Variants in SPATA13 observed in about 807,000 individuals in gnomAD.
SPATA13 encodes the protein spermatogenesis-associated protein 13.
In SPATA13, 50 loss-of-function variants were observed where a neutral mutation model predicts 104.0. That is an observed-to-expected ratio of 0.48 (90% confidence interval 0.38 to 0.61). The LOEUF is 0.61. Ranked by LOEUF, SPATA13 falls within the 20% of genes least tolerant of loss-of-function variation. The pLI, the probability that SPATA13 is intolerant of heterozygous loss-of-function variation, is 0.00. For missense variants in SPATA13, 1,524 were observed against 1,690.6 expected (o/e 0.90, Z 1.73); for synonymous variants, 606 against 667.5 (o/e 0.91, Z 1.42).
chr13:24,267,584 T>C (rs191403186), intron 4 of SPATA13, among the ~76,000 whole-genome samples: 7 of 152,340 alleles, frequency 4.6e-5, no homozygotes, highest in African/African-American at 1.7e-4. Flanking sequence ...CCAAGAGAGC[T>C]TTTGCTTTTT....
intron 3 of SPATA13, among the ~76,000 whole-genome samples, chr13:24,075,899 A>G (rs576542827): frequency 6.6e-6 from 1 of 152,306 alleles, no homozygotes; most frequent in Non-Finnish European, 1.5e-5. Context: ...AGAGATTTCT[A>G]TAGAAGAAAT....
At chr13:24,083,719 T>C (rs1331676953) in intron 3 of SPATA13, among the ~76,000 whole-genome samples, 2 of 152,220 alleles carry the variant, frequency 1.3e-5, no homozygotes, top group Non-Finnish European at 2.9e-5. Flanking sequence ...GGAGTCACTT[T>C]TCAGACAGAA....
intron 1 of SPATA13, among the ~76,000 whole-genome samples, chr13:23,982,466 G>C (rs924294641): frequency 5.9e-5 from 9 of 152,164 alleles, no homozygotes; most frequent in African/African-American, 2.2e-4. Flanking sequence ...TTAACTGGCA[G>C]AAAAAGCAAA....
chr13:24,191,275 C>T (rs940979857), intron 1 of SPATA13, among the ~76,000 whole-genome samples: 7 of 151,976 alleles, frequency 4.6e-5, no homozygotes, highest in African/African-American at 1.5e-4. Context: ...CTTGCCCAGC[C>T]ATATTTTAAA....
intron 1 of SPATA13, among the ~76,000 whole-genome samples, chr13:24,214,721 T>G (rs952952023): frequency 1.3e-5 from 2 of 152,356 alleles, no homozygotes; most frequent in African/African-American, 4.8e-5. Context: ...AGCACATCTG[T>G]TTCCCTCCTT....
At chr13:24,218,083 A>G (rs920820460) in intron 1 of SPATA13, among the ~76,000 whole-genome samples, 3 of 152,208 alleles carry the variant, frequency 2.0e-5, no homozygotes, top group Non-Finnish European at 4.4e-5. Context: ...GGCGTCCTGT[A>G]TTAGGCACAG....
chr13:24,285,096 A>G (rs1447405073), intron 5 of SPATA13, among the ~76,000 whole-genome samples: 1 of 152,114 alleles, frequency 6.6e-6, no homozygotes, highest in African/African-American at 2.4e-5. Flanking sequence ...TTAGTGAGTC[A>G]GCGTCTTTAC....
chr13:24,105,097 T>C (rs1246601940), intron 3 of SPATA13, among the ~76,000 whole-genome samples: 1 of 150,678 alleles, frequency 6.6e-6, no homozygotes, highest in Admixed American at 6.6e-5. Flanking sequence ...ATGGTACCTC[T>C]TGGCTTCTTA....
chr13:24,031,287 C>T (rs541276125), intron 3 of SPATA13, among the ~76,000 whole-genome samples: 87 of 152,256 alleles, frequency 5.7e-4, no homozygotes, highest in Non-Finnish European at 8.4e-4. Context: ...AGGTCTGGTC[C>T]ATAGCATAAC....
intron 12 of SPATA13, among the ~76,000 whole-genome samples, chr13:24,300,948 G>A (rs1205620338): frequency 6.6e-6 from 1 of 152,120 alleles, no homozygotes; most frequent in Non-Finnish European, 1.5e-5. Flanking sequence ...ATCAGGCAAG[G>A]AGTTAGACAA....
intron 4 of SPATA13, among the ~76,000 whole-genome samples, chr13:24,268,091 T>C (rs1260875551): frequency 1.3e-5 from 2 of 152,214 alleles, no homozygotes; most frequent in Non-Finnish European, 2.9e-5. Context: ...GTAATATGTG[T>C]TGTCATAAAA....
chr13:24,303,008 G>A lies in SPATA13; in HGVS notation c.*235G>A. The A allele has an allele frequency of 1.7e-6, 1 of 574,250 alleles. No homozygotes were observed. The highest frequency in any genetic ancestry group is 3.1e-6 in the Non-Finnish European group (1 of 322,400). 35.6% of individuals were successfully genotyped at this position (574,250 alleles called of 1,614,324 possible). A position where few individuals can be genotyped will look rare whatever the true frequency, so the allele number is the denominator to read the frequency against. Reference sequence around the variant, plus strand: ...CTTTATCCTACACAGAAACACCCGTGACCCACTATGAGATGGCCCAGATGT... The same window carrying A: ...CTTTATCCTACACAGAAACACCCGTAACCCACTATGAGATGGCCCAGATGT... On this transcript the variant is annotated 3_prime_UTR_variant, in exon 13 of 13. Transcript: ENST00000382108.
In SPATA13 at chr13:24,196,592, T is replaced by TG. The variant is rs1451367552; in HGVS notation, c.-111-26224dup. Among the ~76,000 whole-genome samples, 4 of 152,034 alleles carry TG rather than the reference T, an allele frequency of 2.6e-5. No individual in the cohort carries two copies. The East Asian group carries it at 7.7e-4, about 29-fold the overall frequency. ...CTCTACAAAAACCAAAAAAATTACC[T>TG]GGGCATGGTGGCGTGGGCCTGTAGT... On this transcript the variant is annotated intron_variant, in intron 1 of 12. Coordinates refer to ENST00000382108, the MANE Select transcript of SPATA13 (RefSeq NM_001166271.3).
At chr13:24,057,105 A>G (rs910032843) in intron 3 of SPATA13, among the ~76,000 whole-genome samples, 1 of 142,654 alleles carries the variant, frequency 7.0e-6, no homozygotes, top group African/African-American at 2.6e-5. Flanking sequence ...TTACACTTTA[A>G]GTTTTAGGGT....
intron 4 of SPATA13, among the ~76,000 whole-genome samples, chr13:24,271,314 G>A (rs1874593915): frequency 6.6e-6 from 1 of 151,974 alleles, no homozygotes; most frequent in Non-Finnish European, 1.5e-5. Context: ...ACTGGTTTTT[G>A]CTTCTATTAC....
rs1431125002 is a variant in SPATA13, at chr13:24,286,895, G to A, written c.2612G>A (p.Arg871Gln). 6.2e-6 allele frequency: 10 copies of A among 1,613,906 alleles called. No homozygotes were observed. Among genetic ancestry groups the A allele is most frequent in the South Asian group, 1.1e-5 (1 of 91,076 alleles). ...CAGCAGATGCGGACCAACGTCATCCGGGAGATCATGGACACCGAGCGGGTG... is the reference window on the plus strand; with the variant it reads ...CAGCAGATGCGGACCAACGTCATCCAGGAGATCATGGACACCGAGCGGGTG... The part of the protein sequence containing the change: ...NKQQMRTNVI[R>Q]EIMDTERVYI... Residue 871 changes from arginine to glutamine, a missense_variant, in exon 7 of 13, where the codon CGG becomes CAG. Arg to Gln is a conservative substitution (Grantham distance 43, BLOSUM62 1). This residue lies in a region of SPATA13 where 435 missense variants were observed against 554.8 expected (regional missense o/e 0.78). Transcript: ENST00000382108. This position sits in a 1 kb window ranked among gnomAD's most constrained non-coding sequence, Gnocchi z 4.9.
chr13:24,212,613 A>G (rs1871087558), intron 1 of SPATA13, among the ~76,000 whole-genome samples: 1 of 152,142 alleles, frequency 6.6e-6, no homozygotes, highest in South Asian at 2.1e-4. Context: ...GAACCAGCAG[A>G]CTTTGACAGG....
chr13:24,292,009 G>T (rs371374825), intron 9 of SPATA13, among the ~76,000 whole-genome samples: 1 of 151,944 alleles, frequency 6.6e-6, no homozygotes, highest in African/African-American at 2.4e-5. Flanking sequence ...ACCCGCCTCG[G>T]CCTCCCAAAG....
chr13:24,143,305 C>T (rs1321251233), intron 3 of SPATA13, among the ~76,000 whole-genome samples: 4 of 152,144 alleles, frequency 2.6e-5, no homozygotes, highest in Admixed American at 6.5e-5. Context: ...AGGGAACCTA[C>T]GTTGCCCCTT....
Sources: gnomAD v4.1 joint callset for allele counts (sites outside exome capture counted in the v4.1 genomes callset) on GRCh38, gnomAD v4.1.1 for gene constraint, gnomAD v4.1.1 regional missense constraint, Gnocchi (gnomAD v3.1) non-coding constraint, MANE v1.5 for transcripts, NCBI Gene and HGNC (gene_info 2026-07-23, HGNC 2026-07-21) for gene names.